Variants in ZNF578 observed in about 807,000 individuals in gnomAD.
ZNF578 encodes the protein zinc finger protein 578.
In ZNF578, 8 loss-of-function variants were observed where a neutral mutation model predicts 8.3. That is an observed-to-expected ratio of 0.96 (90% CI 0.56 to 1.74). The LOEUF (loss-of-function observed/expected upper bound fraction) is 1.74, where lower values mean the gene tolerates loss of function less well. Ranked by LOEUF, ZNF578 falls within the 40% of genes most tolerant of loss-of-function variation. The pLI, the probability that ZNF578 is intolerant of heterozygous loss-of-function variation, is 0.00. For missense variants in ZNF578, 726 were observed against 707.5 expected, an observed-to-expected ratio of 1.03 and a Z score of -0.30; for synonymous variants, 206 against 232.2, an observed-to-expected ratio of 0.89 and a Z score of 1.03.
intron 2 of ZNF578, among the ~76,000 whole-genome samples, chr19:52,485,657 CTG>C (rs1292350826): frequency 6.6e-6 from 1 of 152,230 alleles, no homozygotes; most frequent in African/African-American, 2.4e-5. Flanking sequence ...TGCTGTTAAT[CTG>C]TAACCATACC....
At position 52,501,720 on chromosome 19, in the gene ZNF578, G is replaced by C. The variant is rs190993872; in HGVS notation, c.-19-107G>C. 2.4e-3 allele frequency: 2,723 copies of C among 1,120,606 alleles called. 17 individuals carry two copies. Among genetic ancestry groups the C allele is most frequent in the Middle Eastern group, 7.6e-3 (26 of 3,414 alleles). The allele number at this position is 1,120,606 out of a possible 1,614,324, so 69.4% of individuals were successfully genotyped here. A position where few individuals can be genotyped will look rare whatever the true frequency, so the allele number is the denominator to read the frequency against. ...ATGATCTCTGGTGCAGTGGGCAGTG[G>C]GGGGGGCTTCTTTGTACAGGGTGAT... is the stretch of plus-strand genomic sequence containing the variant. On this transcript the variant is annotated intron_variant, in intron 3 of 5. Transcript: ENST00000421239.
At chr19:52,475,624 T>C (rs1288393834) in intron 2 of ZNF578, among the ~76,000 whole-genome samples, 7 of 152,206 alleles carry the variant, frequency 4.6e-5, no homozygotes, top group Non-Finnish European at 8.8e-5. Context: ...CTCAAAGTGC[T>C]GGGATTATAG....
At chr19:52,490,211 A>T (rs573948184) in intron 2 of ZNF578, among the ~76,000 whole-genome samples, 11 of 152,298 alleles carry the variant, frequency 7.2e-5, no homozygotes, top group Middle Eastern at 3.4e-3. Context: ...CATATATATA[A>T]AATTGCTCTA....
chr19:52,503,063 T>C (rs2059413070), intron 4 of ZNF578, among the ~76,000 whole-genome samples: 1 of 152,168 alleles, frequency 6.6e-6, no homozygotes, highest in South Asian at 2.1e-4. Flanking sequence ...AGCTAGTTTT[T>C]GTACTTTTAG....
chr19:52,495,634 T>C (rs1039327444), intron 3 of ZNF578, among the ~76,000 whole-genome samples: 1 of 151,428 alleles, frequency 6.6e-6, no homozygotes, highest in African/African-American at 2.4e-5. Context: ...GGTGAGTTGA[T>C]TGGATGTGAT....
At chr19:52,486,527 A>AT (rs2059346411) in intron 2 of ZNF578, among the ~76,000 whole-genome samples, 1 of 152,240 alleles carries the variant, frequency 6.6e-6, no homozygotes, top group Non-Finnish European at 1.5e-5. Flanking sequence ...AAAGCTAGAT[A>AT]TACAGAGACA....
chr19:52,473,869 A>G (rs2059299762), intron 2 of ZNF578: 4 of 336,088 alleles, frequency 1.2e-5, no homozygotes, highest in South Asian at 4.8e-5. Context: ...ATGAATAGCT[A>G]CTATAGACCT....
At position 52,514,023 on chromosome 19, in the gene ZNF578, T is replaced by TCAAA. The variant is rs139319526; in HGVS notation, c.*1878_*1881dup. Reference sequence around the variant, plus strand: ...GAGGTTGGCAGAGTGAGTCTCCATCTCAAACAAACAAATGAAAAAAACAGA... The same window carrying TCAAA: ...GAGGTTGGCAGAGTGAGTCTCCATCTCAAACAAACAAACAAATGAAAAAAACAGA... On this transcript the variant is annotated 3_prime_UTR_variant, in exon 6 of 6. Transcript: ENST00000421239. 0.34 allele frequency among the ~76,000 whole-genome samples: 51,184 copies of TCAAA among 151,524 alleles called. 8,969 individuals carry two copies. The highest frequency in any genetic ancestry group is 0.42 in the African/African-American group (17,320 of 41,224).
rs772550833 is a variant in ZNF578 at position 52,511,667 on chromosome 19, G to A, written c.1286G>A (p.Cys429Tyr). The A allele has an allele frequency of 1.3e-5, 21 of 1,614,038 alleles. No homozygotes were observed. The highest frequency in any genetic ancestry group is 5.0e-5 in the Admixed American group (3 of 60,012). ...CATACTGGAGAGAAACCTTACAAGT[G>A]TAATGACTGTGGTAAGGCTTTTATT... ...RLHTGEKPYK[C>Y]NDCGKAFIHQ... Residue 429 changes from cysteine (C) to tyrosine (Y), a missense_variant, in exon 6 of 6, where the codon TGT becomes TAT. Physicochemically the swap from Cys to Tyr is radical, Grantham distance 194 (BLOSUM62 -2). Coordinates refer to ENST00000421239, the MANE Select transcript of ZNF578 (RefSeq NM_001099694.2).
Position 52,512,377 on chromosome 19 carries a change from G to T in ZNF578, c.*223G>T. On this transcript the variant is annotated 3_prime_UTR_variant, in exon 6 of 6. Coordinates refer to ENST00000421239, the MANE Select transcript of ZNF578 (RefSeq NM_001099694.2). ...TGATTGTCACAAAGTCTTCAGTAAC[G>T]CTACAACGATTGCAAATCATTGGAG... is the stretch of plus-strand genomic sequence containing the variant. 6.7e-7 allele frequency: 1 copy of T among 1,499,890 alleles called. No homozygotes were observed. Among genetic ancestry groups the T allele is most frequent in the Non-Finnish European group, 9.3e-7 (1 of 1,077,986 alleles). 92.9% of individuals were successfully genotyped at this position (1,499,890 alleles called of 1,614,324 possible). A position where few individuals can be genotyped will look rare whatever the true frequency, so the allele number is the denominator to read the frequency against.
At position 52,479,562 on chromosome 19, in the gene ZNF578, A is replaced by AG. The variant is rs1450109054; in HGVS notation, c.-121-11760dup. 1.7e-3 allele frequency among the ~76,000 whole-genome samples: 262 copies of AG among 149,738 alleles called. 1 individual carries two copies. The highest frequency in any genetic ancestry group is 6.2e-3 in the African/African-American group (252 of 40,688). On this transcript the variant is annotated intron_variant, in intron 2 of 5. Transcript: ENST00000421239. The stretch of plus-strand genomic sequence containing the variant: ...CATCTCAAAAAAAAAAAAAAAAAAA[A>AG]GGAAAAAAGAAACTTCTCGTTCCCA...
intron 2 of ZNF578, among the ~76,000 whole-genome samples, chr19:52,479,153 A>C (rs1030718535): frequency 4.6e-5 from 7 of 152,056 alleles, no homozygotes; most frequent in African/African-American, 1.5e-4. Context: ...CCTGAGCCAC[A>C]GATTGTTTAA....
chr19:52,499,733 T>C (rs115077385), intron 3 of ZNF578, among the ~76,000 whole-genome samples: 5,171 of 147,046 alleles, frequency 0.035, 316 homozygotes, highest in African/African-American at 0.12. Flanking sequence ...TGGCTGAGGC[T>C]GGAGTGCAAT....
At chr19:52,499,494 C>A (rs2059398821) in intron 3 of ZNF578, among the ~76,000 whole-genome samples, 1 of 152,188 alleles carries the variant, frequency 6.6e-6, no homozygotes, top group Admixed American at 6.6e-5. Flanking sequence ...CCTAAATCCC[C>A]AAACACATTC....
chr19:52,467,440 T>A lies in ZNF578; in HGVS notation c.-122+10482T>A, dbSNP rs560729178. On this transcript the variant is annotated intron_variant, in intron 2 of 5. Coordinates refer to ENST00000421239, the MANE Select transcript of ZNF578 (RefSeq NM_001099694.2). ...GAGCAAAGCACTATCTCAAAAAAAA[T>A]AAAATAAAATAAAATAAATAAAAAA... is the stretch of plus-strand genomic sequence containing the variant. Among the ~76,000 whole-genome samples, 476 of 151,686 alleles carry A rather than the reference T, an allele frequency of 3.1e-3. 6 individuals are homozygous for A. Among genetic ancestry groups the A allele is most frequent in the African/African-American group, 0.011 (435 of 41,380 alleles).
In ZNF578 at chr19:52,510,679, G is replaced by A. The variant is rs1256377419; in HGVS notation, c.298G>A (p.Asp100Asn). The part of the protein sequence containing the change: ...LQRHESYHTG[D>N]FCFQEIEKDI... ...AAGACATGAAAGTTATCACACTGGA[G>A]ATTTTTGCTTCCAGGAAATTGAAAA... Residue 100 changes from aspartate to asparagine, a missense_variant, in exon 6 of 6, where the codon GAT becomes AAT. Physicochemically the swap from Asp to Asn is conservative, Grantham distance 23. Transcript: ENST00000421239. 1 of 1,613,540 alleles carries A rather than the reference G, an allele frequency of 6.2e-7. No homozygotes were observed. The highest frequency in any genetic ancestry group is 1.1e-5 in the South Asian group (1 of 90,984).
At chr19:52,474,704 T>C in intron 2 of ZNF578, 1 of 238,156 alleles carries the variant, frequency 4.2e-6, no homozygotes, top group Non-Finnish European at 8.9e-6. Flanking sequence ...CTGAAGACTT[T>C]GCCAAATTTT....
In ZNF578 at chr19:52,511,861, C is replaced by A; in HGVS notation, c.1480C>A (p.His494Asn). Residue 494 changes from histidine to asparagine, a missense_variant, in exon 6 of 6, where the codon CAC becomes AAC. Transcript: ENST00000421239. ...KCNECHKTFSHRSSLPCHRRL... is the reference protein window; with the variant it reads ...KCNECHKTFSNRSSLPCHRRL... Reference sequence around the variant, plus strand: ...TAATGAGTGTCACAAGACCTTCAGTCACAGGTCATCTCTTCCATGCCATCG... The same window carrying A: ...TAATGAGTGTCACAAGACCTTCAGTAACAGGTCATCTCTTCCATGCCATCG... 1 of 1,612,968 alleles carries A rather than the reference C, an allele frequency of 6.2e-7. No homozygotes were observed. Among genetic ancestry groups the A allele is most frequent in the Non-Finnish European group, 8.5e-7 (1 of 1,179,612 alleles).
intron 3 of ZNF578, among the ~76,000 whole-genome samples, chr19:52,496,853 T>A (rs2122912136): frequency 6.6e-6 from 1 of 151,448 alleles, no homozygotes; most frequent in African/African-American, 2.4e-5. Context: ...GTCAGGCTGG[T>A]CTTGAACACC....
Sources: gnomAD v4.1 joint callset for allele counts (sites outside exome capture counted in the v4.1 genomes callset) on GRCh38, gnomAD v4.1.1 for gene constraint, MANE v1.5 for transcripts, NCBI Gene and HGNC (gene_info 2026-07-23, HGNC 2026-07-21) for gene names.